Variants in TENM3 observed in about 807,000 individuals in gnomAD.
The protein encoded by TENM3 is teneurin transmembrane protein 3, also known as teneurin-3.
A neutral mutation model predicts 255.1 loss-of-function variants in TENM3; 63 were observed. That is an observed-to-expected ratio of 0.25 (90% CI 0.20 to 0.30). The LOEUF (loss-of-function observed/expected upper bound fraction) is 0.30, where lower values mean the gene tolerates loss of function less well. TENM3 is among the 10% of genes least tolerant of loss of function. The probability of loss-of-function intolerance (pLI) is 1.00; values close to 1 mark genes in which losing one functional copy is unlikely to be tolerated. For synonymous variants in TENM3, 1,306 were observed against 1,322.3 expected (o/e 0.99, Z 0.27); for missense variants, 2,929 against 3,461.1 (o/e 0.85, Z 3.86).
At chr4:182,627,865 T>C (rs910374371) in intron 4 of TENM3, among the ~76,000 whole-genome samples, 3 of 152,122 alleles carry the variant, frequency 2.0e-5, no homozygotes, top group Admixed American at 1.3e-4. Flanking sequence ...CATACAACTT[T>C]TAGAGACAGT....
the TENM3 span, among the ~76,000 whole-genome samples, chr4:181,761,073 G>T: frequency 1.3e-5 from 2 of 150,290 alleles, no homozygotes; most frequent in Non-Finnish European, 2.9e-5. Flanking sequence ...TAATTTAGTT[G>T]TTCATATTTT....
At chr4:181,923,835 G>T in the TENM3 span, among the ~76,000 whole-genome samples, 1 of 152,108 alleles carries the variant, frequency 6.6e-6, no homozygotes, top group Non-Finnish European at 1.5e-5. Flanking sequence ...AATATATGGA[G>T]GTAAGCATGG....
intron 4 of TENM3, among the ~76,000 whole-genome samples, chr4:182,612,248 C>T (rs868644393): frequency 5.4e-5 from 8 of 147,292 alleles, no homozygotes; most frequent in East Asian, 2.0e-4. Context: ...CTCCAGCCTA[C>T]GCAACAGAGC....
chr4:182,650,668 G>A (rs895117276), intron 5 of TENM3, among the ~76,000 whole-genome samples: 6 of 148,592 alleles, frequency 4.0e-5, no homozygotes, highest in East Asian at 4.2e-4. Flanking sequence ...CCCTGCATTC[G>A]TATGAATATC....
the TENM3 span, among the ~76,000 whole-genome samples, chr4:181,796,667 G>A: frequency 6.6e-6 from 1 of 152,274 alleles, no homozygotes; most frequent in African/African-American, 2.4e-5. Context: ...CCTGACCATG[G>A]GGGTGAGAGA....
At chr4:181,680,700 G>T in the TENM3 span, among the ~76,000 whole-genome samples, 5 of 152,220 alleles carry the variant, frequency 3.3e-5, no homozygotes, top group Non-Finnish European at 5.9e-5. Context: ...GTAAAAGATT[G>T]CCATGCAGAG....
At chr4:182,482,419 G>A (rs1202562568) in intron 3 of TENM3, among the ~76,000 whole-genome samples, 1 of 152,034 alleles carries the variant, frequency 6.6e-6, no homozygotes, top group Admixed American at 6.5e-5. Flanking sequence ...TGGGCAGAAT[G>A]TAATGTGGAA....
chr4:182,159,755 G>A (rs985290284), intron 1 of TENM3, among the ~76,000 whole-genome samples: 1 of 152,176 alleles, frequency 6.6e-6, no homozygotes, highest in African/African-American at 2.4e-5. Context: ...GACAGTGTGT[G>A]ATGTCTTATC....
chr4:182,663,887 T>C (rs1754432032), intron 6 of TENM3, among the ~76,000 whole-genome samples: 1 of 150,644 alleles, frequency 6.6e-6, no homozygotes, highest in African/African-American at 2.5e-5. Flanking sequence ...AACCAATCCT[T>C]TTCCCGGTTT....
chr4:182,421,835 C>T (rs796927074), intron 3 of TENM3, among the ~76,000 whole-genome samples: 42 of 152,254 alleles, frequency 2.8e-4, no homozygotes, highest in African/African-American at 8.9e-4. Context: ...AGCCAAAGTC[C>T]TCCCAACCAT....
At chr4:182,030,085 T>C in the TENM3 span, among the ~76,000 whole-genome samples, 1 of 139,378 alleles carries the variant, frequency 7.2e-6, no homozygotes, top group Non-Finnish European at 1.6e-5. Context: ...TGTTGTATTT[T>C]ACTTCAATTT....
At chr4:182,028,784 T>G in the TENM3 span, among the ~76,000 whole-genome samples, 1 of 152,220 alleles carries the variant, frequency 6.6e-6, no homozygotes, top group Admixed American at 6.5e-5. Context: ...GATTTCTAGT[T>G]TTATTCCATG....
At chr4:181,787,684 C>A in the TENM3 span, among the ~76,000 whole-genome samples, 1 of 151,950 alleles carries the variant, frequency 6.6e-6, no homozygotes, top group Non-Finnish European at 1.5e-5. Context: ...AATTTTAGAC[C>A]GAGCCTCACT....
chr4:182,517,379 C>CTTTTTT (rs780908155), intron 3 of TENM3, among the ~76,000 whole-genome samples: 1 of 89,414 alleles, frequency 1.1e-5, no homozygotes, highest in Non-Finnish European at 2.1e-5. Context: ...AAAGTTCATT[C>CTTTTTT]TTTTTTTTTT....
chr4:181,826,572 A>G, the TENM3 span, among the ~76,000 whole-genome samples: 3 of 152,364 alleles, frequency 2.0e-5, no homozygotes, highest in South Asian at 4.1e-4. Flanking sequence ...TTCTGAGGCC[A>G]TCAGCAAAGT....
the TENM3 span, among the ~76,000 whole-genome samples, chr4:181,851,724 A>G: frequency 1.3e-5 from 2 of 152,246 alleles, no homozygotes; most frequent in Admixed American, 1.3e-4. Context: ...AAGCATAGTA[A>G]GGAAAAGCAA....
the TENM3 span, among the ~76,000 whole-genome samples, chr4:181,868,585 C>T: frequency 6.6e-6 from 1 of 152,158 alleles, no homozygotes; most frequent in Non-Finnish European, 1.5e-5. Flanking sequence ...TAAATTACAA[C>T]TTGCCCAAGA....
the TENM3 span, among the ~76,000 whole-genome samples, chr4:181,959,362 GT>G: frequency 2.2e-3 from 340 of 152,266 alleles, 3 homozygotes; most frequent in Middle Eastern, 0.014. Context: ...GGCAGCCTCT[GT>G]TTGGATAACC....
intron 2 of TENM3, among the ~76,000 whole-genome samples, chr4:182,340,197 G>A (rs1266519535): frequency 6.6e-6 from 1 of 152,078 alleles, no homozygotes; most frequent in Non-Finnish European, 1.5e-5. Flanking sequence ...GATATACCTA[G>A]GGTTTCCCTT....
Sources: allele counts gnomAD v4.1 joint callset (sites outside exome capture counted in the v4.1 genomes callset), GRCh38; gene constraint gnomAD v4.1.1; transcripts MANE v1.5; gene names NCBI Gene and HGNC (gene_info 2026-07-23, HGNC 2026-07-21).